Variants in CCNT1 observed in about 807,000 individuals in gnomAD.
CCNT1 encodes the protein cyclin T1, also known as cyclin-T1.
Under a neutral mutation model 67.3 loss-of-function variants are expected in CCNT1, and 18 were observed. The observed-to-expected ratio is 0.27, with a 90% CI of 0.18 to 0.40. The LOEUF is 0.40. CCNT1 is among the 10% of genes least tolerant of loss of function. CCNT1 has a pLI of 1.00. For synonymous variants in CCNT1, 333 were observed against 310.3 expected (o/e 1.07, Z -0.77); for missense variants, 744 against 884.9 (o/e 0.84, Z 2.02).
In CCNT1 at chr12:48,697,522, T is replaced by TAA. The variant is rs1205232506; in HGVS notation, c.542+614_542+615dup. Among the ~76,000 whole-genome samples the TAA allele has an allele frequency of 5.1e-3, 599 of 116,770 alleles. 4 individuals are homozygous for TAA. The highest frequency in any genetic ancestry group is 7.5e-3 in the Non-Finnish European group (433 of 57,720). 76.6% of individuals were successfully genotyped at this position (116,770 alleles called of 152,430 possible). On this transcript the variant is annotated intron_variant, in intron 6 of 8. Transcript: ENST00000261900. ...TGGTAGACAGAGTGAGACTCTGTCT[T>TAA]AAAAAAAAAAAAATATATATATATA...
intron 2 of CCNT1, among the ~76,000 whole-genome samples, chr12:48,709,625 AAAGGG>A (rs1311108835): frequency 6.6e-6 from 1 of 152,214 alleles, no homozygotes; most frequent in Non-Finnish European, 1.5e-5. Flanking sequence ...AAAAAATAAT[AAAGGG>A]AAGTATGGAA....
At chr12:48,712,171 A>G in intron 2 of CCNT1, among the ~76,000 whole-genome samples, 1 of 152,110 alleles carries the variant, frequency 6.6e-6, no homozygotes, top group East Asian at 1.9e-4. Context: ...AGTTTCTTAC[A>G]TTTCAGGAGC....
In CCNT1 at chr12:48,699,844, A is replaced by T; in HGVS notation, c.434-4T>A. On this transcript the variant is annotated splice_polypyrimidine_tract_variant and splice_region_variant and intron_variant, in intron 4 of 8. Transcript: ENST00000261900. ...TGATCAATTGTTAGTTCAAAGCCTT[A>T]AAAGAAAAAGTAATGGATTAAAAAA... The T allele has an allele frequency of 6.3e-7, 1 of 1,575,090 alleles. No homozygotes were observed. Among genetic ancestry groups the T allele is most frequent in the Non-Finnish European group, 8.7e-7 (1 of 1,149,506 alleles).
rs753034435 is a variant in CCNT1 at position 48,694,124 on chromosome 12, A to C, written c.1090T>G (p.Leu364Val). The C allele has an allele frequency of 1.1e-5, 18 of 1,614,264 alleles. No homozygotes were observed. The African/African-American group carries it at 2.4e-4, about 22-fold the overall frequency. The change falls in exon 9 of 9, where the codon TTA becomes GTA. Residue 364 changes from leucine (L) to valine (V), a missense_variant. Leu to Val is a conservative substitution (Grantham distance 32). This residue lies in a region of CCNT1 where 564 missense variants were observed against 574.2 expected (regional missense o/e 0.98). Coordinates refer to ENST00000261900, the MANE Select transcript of CCNT1 (RefSeq NM_001240.4). ...NLALTGVDHS[L>V]PQDGSNAFIS... ...AATGCATTTGAACCATCCTGTGGTA[A>C]GGAATGATCAACTCCTGTAAGTGCT...
chr12:48,704,413 C>A (rs1267445315), intron 3 of CCNT1, among the ~76,000 whole-genome samples: 2 of 152,126 alleles, frequency 1.3e-5, no homozygotes, highest in Non-Finnish European at 2.9e-5. Flanking sequence ...GGTGAACTGC[C>A]CATGCAAGGG....
rs1592119584 is a variant in CCNT1 at position 48,698,010 on chromosome 12, T to C, written c.542+128A>G. ...AAAATTAAAAAGTACCATGGAAATTTAAAGTACAACATGAAAACTGTGCAG... is the reference window on the plus strand; with the variant it reads ...AAAATTAAAAAGTACCATGGAAATTCAAAGTACAACATGAAAACTGTGCAG... On this transcript the variant is annotated intron_variant, in intron 6 of 8. Transcript: ENST00000261900. 7.2e-6 allele frequency: 4 copies of C among 552,628 alleles called. No individual in the cohort carries two copies. In the East Asian group the frequency reaches 9.4e-5, roughly 13 times the overall value. 34.2% of individuals were successfully genotyped at this position (552,628 alleles called of 1,614,324 possible).
intron 2 of CCNT1, among the ~76,000 whole-genome samples, chr12:48,713,608 A>AC (rs998359484): frequency 6.6e-5 from 10 of 151,896 alleles, no homozygotes; most frequent in Non-Finnish European, 1.0e-4. Flanking sequence ...ACACAGGGAG[A>AC]CCCCATCTTC....
rs1940209429 is a variant in CCNT1 at position 48,698,199 on chromosome 12, A to AC, written c.497-17_497-16insG. ...TCCTTGCTTGCTAAAGAAAAAAAAA[A>AC]AAAGTCAGGGGTGGGGGAGGAAAAA... is the stretch of plus-strand genomic sequence containing the variant. On this transcript the variant is annotated splice_polypyrimidine_tract_variant and intron_variant, in intron 5 of 8. Coordinates refer to ENST00000261900, the MANE Select transcript of CCNT1 (RefSeq NM_001240.4). 6.4e-7 allele frequency: 1 copy of AC among 1,564,444 alleles called. No individual in the cohort carries two copies. Among genetic ancestry groups the AC allele is most frequent in the Non-Finnish European group, 8.6e-7 (1 of 1,157,136 alleles).
rs1940097784 is a variant in CCNT1 at position 48,692,875 on chromosome 12, C to A, written c.*158G>T. 6.8e-6 allele frequency: 4 copies of A among 592,268 alleles called. No homozygotes were observed. In the East Asian group the frequency reaches 1.1e-4, roughly 16 times the overall value. The allele number at this position is 592,268 out of a possible 1,614,324, so 36.7% of individuals were successfully genotyped here. A position where few individuals can be genotyped will look rare whatever the true frequency, so the allele number is the denominator to read the frequency against. ...ATGCATGAGACAGCAGATATATAGCCAAGGCCTTCTACCACCCTCCTAACT... is the reference window on the plus strand; with the variant it reads ...ATGCATGAGACAGCAGATATATAGCAAAGGCCTTCTACCACCCTCCTAACT... On this transcript the variant is annotated 3_prime_UTR_variant, in exon 9 of 9. Coordinates refer to ENST00000261900, the MANE Select transcript of CCNT1 (RefSeq NM_001240.4).
intron 2 of CCNT1, among the ~76,000 whole-genome samples, chr12:48,713,817 C>T (rs113926428): frequency 6.6e-6 from 1 of 152,248 alleles, no homozygotes; most frequent in African/African-American, 2.4e-5. Flanking sequence ...GAAAGCTATA[C>T]CTAAATTCCA....
intron 8 of CCNT1, among the ~76,000 whole-genome samples, chr12:48,695,061 T>C (rs138712354): frequency 0.018 from 2,702 of 152,198 alleles, 88 homozygotes; most frequent in African/African-American, 0.062. Flanking sequence ...TGACCTCAGT[T>C]GATCCGCCTG....
chr12:48,705,965 G>A, intron 2 of CCNT1, 69 bp from the exon 3 acceptor site: 1 of 1,430,728 alleles, frequency 7.0e-7, no homozygotes, highest in East Asian at 2.5e-5. Context: ...TAGATCTAAA[G>A]AGGAGCTAAG....
chr12:48,703,675 C>T (rs150007658), intron 3 of CCNT1, among the ~76,000 whole-genome samples: 1,552 of 152,234 alleles, frequency 0.01, 22 homozygotes, highest in African/African-American at 0.036. Context: ...GTGGCTCACG[C>T]CTGTAATCCC....
In CCNT1 at chr12:48,693,945, C is replaced by T. The variant is rs998118621; in HGVS notation, c.1269G>A (p.Gln423=). The part of the protein sequence containing the change: ...NVKSQYAYAA[Q]NLLSHHDSHS... ...GGCTATCATGATGAGAAAGGAGATTCTGGGCAGCATATGCATATTGTGACT... is the reference window on the plus strand; with the variant it reads ...GGCTATCATGATGAGAAAGGAGATTTTGGGCAGCATATGCATATTGTGACT... The change falls in exon 9 of 9, where the codon CAG becomes CAA. Residue 423 remains glutamine (Q), a synonymous_variant. Transcript: ENST00000261900. 30 of 1,614,002 alleles carry T rather than the reference C, an allele frequency of 1.9e-5. No homozygotes were observed. Among genetic ancestry groups the T allele is most frequent in the Non-Finnish European group, 2.5e-5 (29 of 1,180,026 alleles).
chr12:48,711,427 G>A (rs1327149552), intron 2 of CCNT1, among the ~76,000 whole-genome samples: 1 of 151,670 alleles, frequency 6.6e-6, no homozygotes, highest in East Asian at 1.9e-4. Flanking sequence ...AAAAGGAGGG[G>A]AAAATATATA....
rs556956418 is a variant in CCNT1, at chr12:48,690,864, A to G, written c.*2169T>C. 1 of 152,320 alleles carries G rather than the reference A, an allele frequency of 6.6e-6. No individual in the cohort carries two copies. The highest frequency in any genetic ancestry group is 6.5e-5 in the Admixed American group (1 of 15,302). 9.4% of individuals were successfully genotyped at this position (152,320 alleles called of 1,614,324 possible). A position where few individuals can be genotyped will look rare whatever the true frequency, so the allele number is the denominator to read the frequency against. ...TAAAAGCTGGAAAAGACATTTTTCAAAATCAAACCAGTGATCATCAAGTCC... is the reference window on the plus strand; with the variant it reads ...TAAAAGCTGGAAAAGACATTTTTCAGAATCAAACCAGTGATCATCAAGTCC... On this transcript the variant is annotated 3_prime_UTR_variant, in exon 9 of 9. Coordinates refer to ENST00000261900, the MANE Select transcript of CCNT1 (RefSeq NM_001240.4).
intron 4 of CCNT1, 59 bp downstream of exon 4, chr12:48,700,954 A>G (rs1565617961): frequency 9.6e-6 from 10 of 1,043,796 alleles, no homozygotes; most frequent in Non-Finnish European, 5.7e-6. Flanking sequence ...GCAAATTTTT[A>G]GAATCAAATC....
At position 48,708,362 on chromosome 12, in the gene CCNT1, C is replaced by T. The variant is rs183414881; in HGVS notation, c.244-2466G>A. 2.6e-3 allele frequency among the ~76,000 whole-genome samples: 395 copies of T among 152,130 alleles called. 2 individuals carry two copies. Among genetic ancestry groups the T allele is most frequent in the African/African-American group, 8.5e-3 (354 of 41,522 alleles). ...AGGAGTTCAAGAACAGCCTGGACAA[C>T]GTGGTAAAACTCCATATCTACTAAA... On this transcript the variant is annotated intron_variant, in intron 2 of 8. Transcript: ENST00000261900.
Sources: allele counts gnomAD v4.1 joint callset (sites outside exome capture counted in the v4.1 genomes callset), GRCh38; gene constraint gnomAD v4.1.1; regional missense constraint gnomAD v4.1.1; transcripts MANE v1.5; gene names NCBI Gene and HGNC (gene_info 2026-07-23, HGNC 2026-07-21).